The following TPTE variants were observed in gnomAD, a reference collection of about 807,000 sequenced individuals.
The protein encoded by TPTE is transmembrane phosphatase with tensin homology, also known as putative tyrosine-protein phosphatase TPTE.
A neutral mutation model predicts 84.1 loss-of-function variants in TPTE; 59 were observed. The ratio of observed to expected loss-of-function variants is 0.70; its 90% CI spans 0.57 to 0.87. TPTE has a LOEUF of 0.87. TPTE is among the 40% of genes least tolerant of loss of function. The pLI is 0.00. For synonymous variants in TPTE, 130 were observed against 223.5 expected (o/e 0.58, Z 3.73); for missense variants, 382 against 659.6 (o/e 0.58, Z 4.61).
intron 7 of TPTE, among the ~76,000 whole-genome samples, chr21:10,545,375 A>G (rs1358027679): frequency 6.6e-6 from 1 of 152,308 alleles, no homozygotes; most frequent in African/African-American, 2.4e-5. Flanking sequence ...AGTAGATTCC[A>G]AATCATTGAC....
chr21:10,546,139 G>A (rs369158662), intron 7 of TPTE, among the ~76,000 whole-genome samples: 445 of 152,198 alleles, frequency 2.9e-3, no homozygotes, highest in African/African-American at 0.01. Context: ...CCAACAGCGT[G>A]TTCTCACTTT....
intron 3 of TPTE, among the ~76,000 whole-genome samples, chr21:10,530,386 T>C (rs1450720172): frequency 6.6e-6 from 1 of 152,308 alleles, no homozygotes; most frequent in East Asian, 1.9e-4. Context: ...TACATTTATA[T>C]GTGTTCTGTA....
At chr21:10,535,632 C>G (rs1176214839) in intron 3 of TPTE, among the ~76,000 whole-genome samples, 1 of 152,428 alleles carries the variant, frequency 6.6e-6, no homozygotes, top group African/African-American at 2.4e-5. Context: ...TTATGAGACT[C>G]TCCTACTACT....
At chr21:10,535,081 G>C (rs568364956) in intron 3 of TPTE, among the ~76,000 whole-genome samples, 1 of 152,310 alleles carries the variant, frequency 6.6e-6, no homozygotes, top group East Asian at 1.9e-4. Context: ...CTCTTTGCTA[G>C]CTTTTTCTGG....
At chr21:10,601,092 T>C (rs1278323921) in intron 21 of TPTE, among the ~76,000 whole-genome samples, 1 of 152,310 alleles carries the variant, frequency 6.6e-6, no homozygotes, top group African/African-American at 2.4e-5. Flanking sequence ...ACCTTCTTAA[T>C]GTATTCTCAA....
intron 17 of TPTE, among the ~76,000 whole-genome samples, chr21:10,580,521 T>G (rs1164543312): frequency 6.6e-6 from 1 of 152,312 alleles, no homozygotes; most frequent in Non-Finnish European, 1.5e-5. Context: ...TGAGTTGATT[T>G]TTGTATATTG....
intron 19 of TPTE, among the ~76,000 whole-genome samples, chr21:10,594,547 A>G (rs1352566285): frequency 2.0e-5 from 3 of 152,306 alleles, no homozygotes; most frequent in Non-Finnish European, 4.4e-5. Context: ...GCGTGGGAGC[A>G]CAAGCAGCTT....
chr21:10,558,164 A>G (rs1406073173), intron 8 of TPTE, among the ~76,000 whole-genome samples: 2 of 152,304 alleles, frequency 1.3e-5, no homozygotes, highest in Non-Finnish European at 2.9e-5. Context: ...ATTGATGGGT[A>G]CCTAGGTTGA....
intron 8 of TPTE, among the ~76,000 whole-genome samples, chr21:10,553,868 A>G (rs983242184): frequency 2.0e-5 from 3 of 152,312 alleles, no homozygotes; most frequent in African/African-American, 7.2e-5. Context: ...ATTGTATTTA[A>G]AAAATTAGTA....
intron 4 of TPTE, among the ~76,000 whole-genome samples, chr21:10,539,289 C>A (rs61232888): frequency 1.3e-5 from 2 of 152,286 alleles, no homozygotes; most frequent in African/African-American, 4.8e-5. Flanking sequence ...GTCCCTCACA[C>A]TCCAGAGCTC....
intron 7 of TPTE, among the ~76,000 whole-genome samples, chr21:10,545,341 T>C (rs541580658): frequency 6.6e-6 from 1 of 152,422 alleles, no homozygotes; most frequent in East Asian, 1.9e-4. Flanking sequence ...AAGGTTTTCT[T>C]CTAGGAAAAA....
chr21:10,561,012 T>C lies in TPTE; in HGVS notation c.285-18T>C. The C allele has an allele frequency of 6.2e-7, 1 of 1,604,002 alleles. No individual in the cohort carries two copies. The highest frequency in any genetic ancestry group is 8.5e-7 in the Non-Finnish European group (1 of 1,176,568). On this transcript the variant is annotated intron_variant, in intron 9 of 23. Coordinates refer to ENST00000618007, the MANE Select transcript of TPTE (RefSeq NM_199261.4). The stretch of plus-strand genomic sequence containing the variant: ...ATCTTTGCATTTATTTATTTATTTA[T>C]TTATTTGTTTATTTTAGACTATTTG...
At chr21:10,535,524 G>A (rs1272187803) in intron 3 of TPTE, among the ~76,000 whole-genome samples, 1 of 152,292 alleles carries the variant, frequency 6.6e-6, no homozygotes, top group East Asian at 1.9e-4. Context: ...TTGGATAAAA[G>A]AGGATGAAGT....
chr21:10,588,996 C>G, intron 17 of TPTE, among the ~76,000 whole-genome samples: 1 of 152,310 alleles, frequency 6.6e-6, no homozygotes, highest in Non-Finnish European at 1.5e-5. Context: ...ATTGTCATCT[C>G]TGAGTTTTCA....
chr21:10,555,512 T>TGG (rs2074664806), intron 8 of TPTE, among the ~76,000 whole-genome samples: 2 of 152,308 alleles, frequency 1.3e-5, no homozygotes, highest in Non-Finnish European at 2.9e-5. Flanking sequence ...GGCCGCTATC[T>TGG]CTTTATTTTT....
chr21:10,538,271 G>T (rs1240107980), intron 3 of TPTE, among the ~76,000 whole-genome samples: 1 of 152,306 alleles, frequency 6.6e-6, no homozygotes, highest in Non-Finnish European at 1.5e-5. Flanking sequence ...CAGACCTGCA[G>T]TTACTTTACC....
At chr21:10,589,764 C>G (rs2075431575) in intron 17 of TPTE, among the ~76,000 whole-genome samples, 3 of 152,428 alleles carry the variant, frequency 2.0e-5, no homozygotes, top group African/African-American at 7.2e-5. Flanking sequence ...CGAATGCTGT[C>G]CTGAGGGCTG....
intron 4 of TPTE, among the ~76,000 whole-genome samples, chr21:10,539,279 G>C (rs1353134297): frequency 6.6e-6 from 1 of 152,304 alleles, no homozygotes; most frequent in Non-Finnish European, 1.5e-5. Context: ...ACATGGACTT[G>C]TCCCTCACAC....
chr21:10,547,365 C>T (rs1285321960), intron 7 of TPTE, among the ~76,000 whole-genome samples: 5 of 152,422 alleles, frequency 3.3e-5, no homozygotes, highest in Non-Finnish European at 7.3e-5. Flanking sequence ...GCCTGTGCAG[C>T]CCCTTCTGCC....
Sources: allele counts gnomAD v4.1 joint callset (sites outside exome capture counted in the v4.1 genomes callset), GRCh38; gene constraint gnomAD v4.1.1; transcripts MANE v1.5; gene names NCBI Gene and HGNC (gene_info 2026-07-23, HGNC 2026-07-21).